Variants in TMPO observed in about 807,000 individuals in gnomAD.
TMPO encodes LEM domain containing 4.
Under a neutral mutation model 45.4 loss-of-function variants are expected in TMPO, and 22 were observed. The observed-to-expected ratio is 0.48, with a 90% CI of 0.35 to 0.69. TMPO has a LOEUF of 0.69. TMPO is among the 30% of genes least tolerant of loss of function. The pLI, the probability that TMPO is intolerant of heterozygous loss-of-function variation, is 0.01. For synonymous variants in TMPO, 241 were observed against 204.1 expected (o/e 1.18, Z -1.54); for missense variants, 512 against 548.8 (o/e 0.93, Z 0.67).
Position 98,547,975 on chromosome 12 carries a change from T to G in TMPO, c.*117T>G. 1 of 1,219,500 alleles carries G rather than the reference T, an allele frequency of 8.2e-7. No individual in the cohort carries two copies. Among genetic ancestry groups the G allele is most frequent in the South Asian group, 1.4e-5 (1 of 73,424 alleles). 75.5% of individuals were successfully genotyped at this position (1,219,500 alleles called of 1,614,324 possible). On this transcript the variant is annotated 3_prime_UTR_variant, in exon 9 of 9. Transcript: ENST00000556029. Reference sequence around the variant, plus strand: ...AATAATGTGATTTCGCCTCAATAAATGTAGTATTTCATTGAAAAGCAAACA... The same window carrying G: ...AATAATGTGATTTCGCCTCAATAAAGGTAGTATTTCATTGAAAAGCAAACA...
chr12:98,526,808 AT>A (rs1368829039), intron 1 of TMPO, among the ~76,000 whole-genome samples: 1 of 152,130 alleles, frequency 6.6e-6, no homozygotes, highest in Admixed American at 6.6e-5. Flanking sequence ...AAGTACAAAA[AT>A]TAGCTGGGCG....
chr12:98,547,629 A>G lies in TMPO; in HGVS notation c.1136A>G (p.Asp379Gly). ...GAAGRPLELS[D>G]FRMEESFSSK... ...GCAGGCCGGCCATTAGAACTCAGTG[A>G]TTTCAGGATGGAGGAGTCTTTTTCA... The change falls in exon 9 of 9, where the codon GAT (aspartate) becomes GGT (glycine). Residue 379 changes from aspartate (D) to glycine (G), a missense_variant. Physicochemically the swap from Asp to Gly is moderately conservative, Grantham distance 94. Around this residue, in one of 3 missense-constraint regions of TMPO, gnomAD observed 209 missense variants for 235.1 expected, o/e 0.89. Coordinates refer to ENST00000556029, the MANE Select transcript of TMPO (RefSeq NM_001032283.3). 6.2e-7 allele frequency: 1 copy of G among 1,614,208 alleles called. No homozygotes were observed. Among genetic ancestry groups the G allele is most frequent in the Non-Finnish European group, 8.5e-7 (1 of 1,180,042 alleles).
chr12:98,521,928 A>G (rs1362465269), intron 1 of TMPO, among the ~76,000 whole-genome samples: 1 of 152,092 alleles, frequency 6.6e-6, no homozygotes, highest in Non-Finnish European at 1.5e-5. Context: ...CAGTTTCACC[A>G]TGTTGGTCAG....
intron 1 of TMPO, among the ~76,000 whole-genome samples, chr12:98,522,990 T>C (rs558334249): frequency 5.5e-4 from 84 of 152,340 alleles, no homozygotes; most frequent in African/African-American, 2.0e-3. Context: ...ATCGGTGATA[T>C]CATAGAGCTG....
chr12:98,544,752 T>G, intron 6 of TMPO, 199 bp from the exon 7 acceptor site: 1 of 649,264 alleles, frequency 1.5e-6, no homozygotes, highest in Admixed American at 2.9e-5. Flanking sequence ...CAAGAAAGTA[T>G]AAGGATATTT....
chr12:98,516,505 C>T, intron 1 of TMPO: 1 of 1,080,954 alleles, frequency 9.3e-7, no homozygotes, highest in Non-Finnish European at 1.1e-6. Context: ...GGGGTGGCCC[C>T]AAAATGCTAT....
At chr12:98,521,611 C>T (rs537290145) in intron 1 of TMPO, among the ~76,000 whole-genome samples, 3 of 152,214 alleles carry the variant, frequency 2.0e-5, no homozygotes, top group Admixed American at 2.0e-4. Flanking sequence ...AGATTGTGGA[C>T]ACAAAAATAA....
intron 3 of TMPO, chr12:98,533,858 C>G (rs754164409): frequency 6.2e-7 from 1 of 1,614,166 alleles, no homozygotes; most frequent in South Asian, 1.1e-5. Context: ...TTATCAGTTC[C>G]AAAAGTAGAT....
At chr12:98,527,541 A>G in intron 1 of TMPO, 1 of 219,978 alleles carries the variant, frequency 4.5e-6, no homozygotes, top group Non-Finnish European at 9.1e-6. Flanking sequence ...AAAAAAAAAA[A>G]AGGTTATTTA....
At position 98,549,897 on chromosome 12, in the gene TMPO, C is replaced by T. The variant is rs539986385; in HGVS notation, c.*2039C>T. The T allele has an allele frequency of 6.7e-6, 1 of 149,412 alleles. No individual in the cohort carries two copies. The highest frequency in any genetic ancestry group is 2.1e-4 in the South Asian group (1 of 4,686). 9.3% of individuals were successfully genotyped at this position (149,412 alleles called of 1,614,324 possible). On this transcript the variant is annotated 3_prime_UTR_variant, in exon 9 of 9. Transcript: ENST00000556029. ...GTGAGTGGGAAACTTACTCCTAGAT[C>T]AGAAATGTTTGCCTCTCTGAGTAAA... is the stretch of plus-strand genomic sequence containing the variant.
intron 4 of TMPO, among the ~76,000 whole-genome samples, chr12:98,543,736 G>T (rs79212483): frequency 0.012 from 1,883 of 152,262 alleles, 19 homozygotes; most frequent in Middle Eastern, 0.02. Flanking sequence ...CTATATGTGG[G>T]ATTATAATTT....
chr12:98,515,962 A>C lies in TMPO; in HGVS notation c.95A>C (p.Gln32Pro), dbSNP rs1875751827. 1.2e-6 allele frequency: 2 copies of C among 1,613,230 alleles called. No homozygotes were observed. Among genetic ancestry groups the C allele is most frequent in the Non-Finnish European group, 1.7e-6 (2 of 1,179,854 alleles). Residue 32 changes from glutamine to proline, a missense_variant, in exon 1 of 9, where the codon CAG (glutamine) becomes CCG (proline). Coordinates refer to ENST00000556029, the MANE Select transcript of TMPO (RefSeq NM_001032283.3). The part of the protein sequence containing the change: ...ANNVTLPAGE[Q>P]RKDVYVQLYL... ...AATGTGACGCTGCCGGCCGGGGAGC[A>C]GCGCAAAGACGTGTACGTCCAGCTC...
chr12:98,531,735 A>G lies in TMPO; in HGVS notation c.462A>G (p.Thr154=), dbSNP rs2121195654. 1.2e-6 allele frequency: 2 copies of G among 1,613,718 alleles called. No homozygotes were observed. The highest frequency in any genetic ancestry group is 1.7e-6 in the Non-Finnish European group (2 of 1,179,970). The change falls in exon 3 of 9, where the codon ACA becomes ACG. Residue 154 remains threonine, a synonymous_variant. Transcript: ENST00000556029. The part of the protein sequence containing the change: ...KKLLKLREQG[T]ESRSSTPLPT... ...TTTTGAAACTGAGGGAACAAGGAAC[A>G]GAATCAAGATCTTCTACTCCTCTGC...
chr12:98,539,093 C>G (rs557718727), intron 4 of TMPO, among the ~76,000 whole-genome samples: 2 of 151,920 alleles, frequency 1.3e-5, no homozygotes, highest in East Asian at 3.9e-4. Context: ...CTAGCTACTC[C>G]GGAGGCTGAG....
intron 1 of TMPO, 123 bp downstream of exon 1, chr12:98,516,269 T>A: frequency 8.0e-7 from 1 of 1,252,984 alleles, no homozygotes; most frequent in Non-Finnish European, 1.0e-6. Flanking sequence ...GGGCTGTCCC[T>A]GCGCCCCCTC....
intron 3 of TMPO, 186 bp downstream of exon 3, chr12:98,532,024 CA>C: frequency 1.8e-6 from 1 of 557,964 alleles, no homozygotes; most frequent in Non-Finnish European, 3.1e-6. Flanking sequence ...CAACATAGTA[CA>C]AATTCATAAT....
intron 2 of TMPO, 37 bp downstream of exon 2, chr12:98,528,049 C>T (rs766426241): frequency 1.2e-6 from 2 of 1,612,626 alleles, no homozygotes; most frequent in Non-Finnish European, 8.5e-7. Flanking sequence ...TATCTTTTCT[C>T]TGAAGCAGGA....
chr12:98,517,571 A>G (rs1427538875), intron 1 of TMPO, among the ~76,000 whole-genome samples: 1 of 152,258 alleles, frequency 6.6e-6, no homozygotes, highest in African/African-American at 2.4e-5. Flanking sequence ...CTACTCAGGC[A>G]GAAATGAAAG....
chr12:98,515,760 G>A lies in TMPO; in HGVS notation c.-108G>A. 1 of 1,544,558 alleles carries A rather than the reference G, an allele frequency of 6.5e-7. No homozygotes were observed. Among genetic ancestry groups the A allele is most frequent in the Non-Finnish European group, 8.7e-7 (1 of 1,144,826 alleles). Reference sequence around the variant, plus strand: ...GCTCCGCAGCGCTCTTCCCGGGCAGGAGCCGTGAGGCTCGGAGGCGGCAGC... The same window carrying A: ...GCTCCGCAGCGCTCTTCCCGGGCAGAAGCCGTGAGGCTCGGAGGCGGCAGC... On this transcript the variant is annotated 5_prime_UTR_variant, in exon 1 of 9. Coordinates refer to ENST00000556029, the MANE Select transcript of TMPO (RefSeq NM_001032283.3).
Sources: allele counts gnomAD v4.1 joint callset (sites outside exome capture counted in the v4.1 genomes callset), GRCh38; gene constraint gnomAD v4.1.1; regional missense constraint gnomAD v4.1.1; transcripts MANE v1.5; gene names NCBI Gene and HGNC (gene_info 2026-07-23, HGNC 2026-07-21).